Variants in B3GNT2 observed in about 807,000 individuals in gnomAD.
B3GNT2 encodes UDP-GlcNAc:betaGal beta-1,3-N-acetylglucosaminyltransferase 2, also known as N-acetyllactosaminide beta-1,3-N-acetylglucosaminyltransferase 2.
B3GNT2 carries 12 observed loss-of-function variants against 27.6 expected under a neutral mutation model. That is an observed-to-expected ratio of 0.44 (90% confidence interval 0.28 to 0.71). The LOEUF is 0.71. Among genes scored for constraint, B3GNT2 ranks in the 30% least tolerant of loss-of-function variants. The pLI is 0.17. For missense variants in B3GNT2, 413 were observed against 488.5 expected, an observed-to-expected ratio of 0.85 and a Z score of 1.46; for synonymous variants, 192 against 189.7, an observed-to-expected ratio of 1.01 and a Z score of -0.10.
chr2:62,218,816 C>T (rs997642888), intron 1 of B3GNT2, among the ~76,000 whole-genome samples: 2 of 152,220 alleles, frequency 1.3e-5, no homozygotes, highest in Non-Finnish European at 2.9e-5. Flanking sequence ...GCCTTGAGCA[C>T]TTAAATGAAA....
At chr2:62,212,682 A>T (rs1002913144) in intron 1 of B3GNT2, among the ~76,000 whole-genome samples, 2 of 151,542 alleles carry the variant, frequency 1.3e-5, no homozygotes, top group Non-Finnish European at 2.9e-5. Flanking sequence ...TGCCATCTAT[A>T]CTTTCTTCAA....
chr2:62,196,837 G>GCTCGCACCCCCGCACCCCACC (rs1674153594), intron 1 of B3GNT2, among the ~76,000 whole-genome samples: 1 of 151,704 alleles, frequency 6.6e-6, no homozygotes, highest in Non-Finnish European at 1.5e-5. Flanking sequence ...GTGATTCCTC[G>GCTCGCACCCCCGCACCCCACC]CTCGCACCCC....
chr2:62,215,961 A>T (rs1217382555), intron 1 of B3GNT2, among the ~76,000 whole-genome samples: 1 of 152,194 alleles, frequency 6.6e-6, no homozygotes, highest in Non-Finnish European at 1.5e-5. Flanking sequence ...AGTGCAGGGC[A>T]GCCTTGGCAC....
At chr2:62,216,699 C>T (rs1674581618) in intron 1 of B3GNT2, among the ~76,000 whole-genome samples, 1 of 152,172 alleles carries the variant, frequency 6.6e-6, no homozygotes, top group Non-Finnish European at 1.5e-5. Flanking sequence ...CCATGGCACC[C>T]AGCCCATAGC....
chr2:62,213,614 G>A (rs1244492734), intron 1 of B3GNT2, among the ~76,000 whole-genome samples: 1 of 152,134 alleles, frequency 6.6e-6, no homozygotes, highest in Non-Finnish European at 1.5e-5. Flanking sequence ...GGGGGCGGCT[G>A]TACTTCTCAC....
chr2:62,218,555 C>T (rs985145692), intron 1 of B3GNT2, among the ~76,000 whole-genome samples: 8 of 152,128 alleles, frequency 5.3e-5, no homozygotes, highest in African/African-American at 1.4e-4. Flanking sequence ...TGATCCCGTG[C>T]CATAATCAGC....
chr2:62,198,758 A>G (rs1674203605), intron 1 of B3GNT2, among the ~76,000 whole-genome samples: 1 of 152,176 alleles, frequency 6.6e-6, no homozygotes, highest in Non-Finnish European at 1.5e-5. Context: ...TAGAACTGAT[A>G]ATTCATAGTT....
At chr2:62,201,749 A>G (rs971642375) in intron 1 of B3GNT2, among the ~76,000 whole-genome samples, 2 of 152,262 alleles carry the variant, frequency 1.3e-5, no homozygotes, top group African/African-American at 2.4e-5. Context: ...TCTCACCACT[A>G]TAACTACATT....
chr2:62,223,089 A>G lies in B3GNT2; in HGVS notation c.869A>G (p.Tyr290Cys), dbSNP rs1310671430. The change falls in exon 2 of 2, where the codon TAC becomes TGC. Residue 290 changes from tyrosine (Y) to cysteine (C), a missense_variant. Transcript: ENST00000301998. ...CATCGGGATAAGAAGCTGAAGTACTACATCCCAGAAGTTGTTTACTCTGGC... is the reference window on the plus strand; with the variant it reads ...CATCGGGATAAGAAGCTGAAGTACTGCATCCCAGAAGTTGTTTACTCTGGC... ...GPHRDKKLKY[Y>C]IPEVVYSGLY... 1 of 1,614,228 alleles carries G rather than the reference A, an allele frequency of 6.2e-7. No individual in the cohort carries two copies. The highest frequency in any genetic ancestry group is 2.2e-5 in the East Asian group (1 of 44,880).
chr2:62,203,743 G>A (rs985268868), intron 1 of B3GNT2, among the ~76,000 whole-genome samples: 1 of 152,172 alleles, frequency 6.6e-6, no homozygotes, highest in African/African-American at 2.4e-5. Flanking sequence ...CCCAGAAGCA[G>A]CAAGAGCTGT....
intron 1 of B3GNT2, among the ~76,000 whole-genome samples, chr2:62,208,024 A>G (rs932222160): frequency 6.6e-6 from 1 of 152,096 alleles, no homozygotes; most frequent in Non-Finnish European, 1.5e-5. Flanking sequence ...TTGAAAGTCG[A>G]TCTTATGAGT....
intron 1 of B3GNT2, among the ~76,000 whole-genome samples, chr2:62,207,456 G>A (rs555394524): frequency 3.9e-5 from 6 of 152,120 alleles, no homozygotes; most frequent in Non-Finnish European, 7.3e-5. Flanking sequence ...GAAAGGCAGT[G>A]GTTGTTTTGA....
intron 1 of B3GNT2, among the ~76,000 whole-genome samples, chr2:62,211,490 G>A (rs977225448): frequency 6.6e-6 from 1 of 152,030 alleles, no homozygotes; most frequent in Admixed American, 6.6e-5. Flanking sequence ...TTAAGTCTTC[G>A]GGACAACAAA....
At chr2:62,221,480 G>C (rs547749815) in intron 1 of B3GNT2, among the ~76,000 whole-genome samples, 3 of 152,110 alleles carry the variant, frequency 2.0e-5, no homozygotes, top group African/African-American at 7.2e-5. Context: ...TAAAATGGTA[G>C]GTTGGAAAAT....
At chr2:62,200,094 C>A (rs1474336156) in intron 1 of B3GNT2, among the ~76,000 whole-genome samples, 1 of 152,200 alleles carries the variant, frequency 6.6e-6, no homozygotes, top group Non-Finnish European at 1.5e-5. Context: ...TTTTTGCCCT[C>A]TGTGTGTTGC....
chr2:62,220,405 AT>A, intron 1 of B3GNT2, among the ~76,000 whole-genome samples: 1 of 152,322 alleles, frequency 6.6e-6, no homozygotes, highest in East Asian at 1.9e-4. Context: ...CAGACACACA[AT>A]AGCTTGTGAA....
At chr2:62,218,644 C>T (rs1397765442) in intron 1 of B3GNT2, among the ~76,000 whole-genome samples, 1 of 152,178 alleles carries the variant, frequency 6.6e-6, no homozygotes, top group Non-Finnish European at 1.5e-5. Context: ...TCCAGAGAGT[C>T]CTGGATTGGG....
At chr2:62,201,791 T>G (rs758768373) in intron 1 of B3GNT2, among the ~76,000 whole-genome samples, 2 of 152,272 alleles carry the variant, frequency 1.3e-5, no homozygotes, top group African/African-American at 2.4e-5. Flanking sequence ...AGTGCTCATT[T>G]CTTCTTTTGT....
intron 1 of B3GNT2, chr2:62,221,926 G>A (rs1476156942): frequency 1.9e-6 from 1 of 533,856 alleles, no homozygotes; most frequent in Non-Finnish European, 3.5e-6. Flanking sequence ...TGCTTGCTGT[G>A]AGCCACGCGC....
Sources: allele counts gnomAD v4.1 joint callset (sites outside exome capture counted in the v4.1 genomes callset), GRCh38; gene constraint gnomAD v4.1.1; transcripts MANE v1.5; gene names NCBI Gene and HGNC (gene_info 2026-07-23, HGNC 2026-07-21).